ESYT2: variants seen among roughly 807,000 people sequenced by gnomAD.
ESYT2 encodes the protein extended synaptotagmin 2, also known as extended synaptotagmin-2.
Under a neutral mutation model 107.2 loss-of-function variants are expected in ESYT2, and 54 were observed. That is an observed-to-expected ratio of 0.50 (90% CI 0.40 to 0.63). ESYT2 has a LOEUF of 0.63. Ranked by LOEUF, ESYT2 falls within the 30% of genes least tolerant of loss-of-function variation. ESYT2 has a pLI of 0.00. For synonymous variants in ESYT2, 491 were observed against 434.1 expected (o/e 1.13, Z -1.63); for missense variants, 1,020 against 1,094.5 (o/e 0.93, Z 0.96).
At chr7:158,824,924 G>C (rs960441057) in intron 1 of ESYT2, among the ~76,000 whole-genome samples, 5 of 152,228 alleles carry the variant, frequency 3.3e-5, no homozygotes, top group African/African-American at 1.2e-4. Flanking sequence ...GACTCACGTA[G>C]GTGGTTCGCT....
intron 20 of ESYT2, among the ~76,000 whole-genome samples, chr7:158,736,501 A>G (rs1485146284): frequency 6.6e-6 from 1 of 151,980 alleles, no homozygotes; most frequent in Non-Finnish European, 1.5e-5. Context: ...AGACCCTCCT[A>G]GGAGGTCACC....
intron 1 of ESYT2, among the ~76,000 whole-genome samples, chr7:158,817,107 A>C (rs1193199728): frequency 2.0e-5 from 3 of 152,230 alleles, no homozygotes; most frequent in African/African-American, 4.8e-5. Flanking sequence ...GCTCCCAACT[A>C]TCTGAACAGC....
At chr7:158,781,276 C>T (rs1047486989) in intron 6 of ESYT2, among the ~76,000 whole-genome samples, 14 of 140,206 alleles carry the variant, frequency 1.0e-4, no homozygotes, top group African/African-American at 3.2e-4. Context: ...AGTGAGTGAA[C>T]GAGTGTGAGA....
rs193145136 is a variant in ESYT2, at chr7:158,765,715, G to A, written c.925-862C>T. ...GGCGCCACTGCATTCCAGCCTGAGC[G>A]ACAGAGCAAGACCCTGTCTCAAAAT... On this transcript the variant is annotated intron_variant, in intron 8 of 22. Transcript: ENST00000275418. Among the ~76,000 whole-genome samples, 969 of 152,116 alleles carry A rather than the reference G, an allele frequency of 6.4e-3. 6 individuals carry two copies. The highest frequency in any genetic ancestry group is 0.058 in the Middle Eastern group (17 of 294).
rs991594577 is a variant in ESYT2 at position 158,793,743 on chromosome 7, C to T, written c.508-17G>A. The T allele has an allele frequency of 6.2e-7, 1 of 1,601,710 alleles. No individual in the cohort carries two copies. ...CCTGAGGGGCTGAAATAAGAAGTAGCTTATTTTAAGATACAGAGGTTAAAA... is the reference window on the plus strand; with the variant it reads ...CCTGAGGGGCTGAAATAAGAAGTAGTTTATTTTAAGATACAGAGGTTAAAA... On this transcript the variant is annotated splice_polypyrimidine_tract_variant and intron_variant, in intron 3 of 22. Transcript: ENST00000275418.
At chr7:158,814,371 G>T (rs1840092151) in intron 1 of ESYT2, among the ~76,000 whole-genome samples, 1 of 133,010 alleles carries the variant, frequency 7.5e-6, no homozygotes, top group African/African-American at 2.9e-5. Flanking sequence ...TACTCGTCCA[G>T]ATGACTCTCA....
rs1837920192 is a variant in ESYT2 at position 158,760,432 on chromosome 7, A to G, written c.1234-285T>C. 2.6e-5 allele frequency among the ~76,000 whole-genome samples: 4 copies of G among 152,228 alleles called. No homozygotes were observed. In the South Asian group the frequency reaches 8.3e-4, roughly 31 times the overall value. On this transcript the variant is annotated intron_variant, in intron 11 of 22. Transcript: ENST00000275418. ...GAAACCCTAAGCAAGTACTAGTATC[A>G]TTCCCACTTTACACATAAGAATTCA... is the stretch of plus-strand genomic sequence containing the variant.
At chr7:158,826,699 T>C (rs988984091) in intron 1 of ESYT2, among the ~76,000 whole-genome samples, 13 of 151,278 alleles carry the variant, frequency 8.6e-5, no homozygotes, top group Non-Finnish European at 1.0e-4. Context: ...TGTGCGCCTG[T>C]AGTCCCAGCT....
intron 17 of ESYT2, among the ~76,000 whole-genome samples, 177 bp from the exon 18 acceptor site, chr7:158,742,073 A>G (rs73729977): frequency 0.14 from 20,915 of 152,044 alleles, 2,355 homozygotes; most frequent in East Asian, 0.55. Context: ...TACAAATACC[A>G]CTTTTTTCCC....
At chr7:158,767,506 C>T (rs1466220111) in intron 8 of ESYT2, 148 bp downstream of exon 8, 10 of 1,029,560 alleles carry the variant, frequency 9.7e-6, no homozygotes, top group Admixed American at 5.1e-5. Context: ...AGGAAAGTGA[C>T]GGACAACCAA....
Position 158,747,217 on chromosome 7 carries a change from G to A in ESYT2, c.1644+977C>T, listed in dbSNP as rs550675231. ...CAAGAAATCAGCCAGGTGTGGTGGC[G>A]CGCACCTGTAATCCCAGCTCTCAGG... On this transcript the variant is annotated intron_variant, in intron 16 of 22. Transcript: ENST00000275418. Among the ~76,000 whole-genome samples, 9 of 149,888 alleles carry A rather than the reference G, an allele frequency of 6.0e-5. No homozygotes were observed. The East Asian group carries it at 8.0e-4, about 13-fold the overall frequency.
At chr7:158,757,271 C>A (rs1309625762) in intron 13 of ESYT2, among the ~76,000 whole-genome samples, 20 of 152,350 alleles carry the variant, frequency 1.3e-4, no homozygotes, top group Admixed American at 9.8e-4. Context: ...ATTAGAAGTT[C>A]CAGTCCACAT....
intron 4 of ESYT2, among the ~76,000 whole-genome samples, chr7:158,789,822 A>G (rs1243960638): frequency 1.3e-5 from 2 of 152,226 alleles, no homozygotes; most frequent in African/African-American, 2.4e-5. Context: ...GCAGCTAACC[A>G]TGAAACCAGA....
chr7:158,809,903 C>T (rs1244521565), intron 1 of ESYT2, among the ~76,000 whole-genome samples: 1 of 152,218 alleles, frequency 6.6e-6, no homozygotes, highest in Non-Finnish European at 1.5e-5. Context: ...AATCTTCTTC[C>T]ACTACATGGA....
Position 158,764,672 on chromosome 7 carries a change from C to T in ESYT2, c.1101+5G>A, listed in dbSNP as rs1838088955. The T allele has an allele frequency of 2.5e-6, 4 of 1,613,362 alleles. No individual in the cohort carries two copies. In the East Asian group the frequency reaches 8.9e-5, roughly 36 times the overall value. Reference sequence around the variant, plus strand: ...CCCAGCAACACAGCAGACACGACACCCCACCTCATAGACTTCATTCCACTT... The same window carrying T: ...CCCAGCAACACAGCAGACACGACACTCCACCTCATAGACTTCATTCCACTT... On this transcript the variant is annotated splice_donor_5th_base_variant and intron_variant, in intron 9 of 22. Coordinates refer to ENST00000275418, the MANE Select transcript of ESYT2 (RefSeq NM_001367773.1).
chr7:158,772,153 TACTTAAGACC>T (rs1838397020), intron 7 of ESYT2, among the ~76,000 whole-genome samples: 1 of 152,060 alleles, frequency 6.6e-6, no homozygotes, highest in African/African-American at 2.4e-5. Context: ...CTTATTTACC[TACTTAAGACC>T]ACTTAAGTCA....
chr7:158,782,584 ATGAG>A lies in ESYT2; in HGVS notation c.747+5416_747+5419del, dbSNP rs1263992923. Among the ~76,000 whole-genome samples the A allele has an allele frequency of 3.5e-5, 3 of 86,480 alleles. No homozygotes were observed. In the Admixed American group the frequency reaches 4.0e-4, roughly 11 times the overall value. 56.7% of individuals were successfully genotyped at this position (86,480 alleles called of 152,430 possible). On this transcript the variant is annotated intron_variant, in intron 6 of 22. Coordinates refer to ENST00000275418, the MANE Select transcript of ESYT2 (RefSeq NM_001367773.1). ...GAAAGTGGGAGTGTGAGAACAAAGA[ATGAG>A]TGTGAAGGAACAAGAGCGTGTGACA...
intron 1 of ESYT2, among the ~76,000 whole-genome samples, chr7:158,826,950 G>A (rs1840470173): frequency 6.6e-6 from 1 of 151,724 alleles, no homozygotes; most frequent in Admixed American, 6.6e-5. Context: ...GGAACACAAG[G>A]TCAGGAGTTT....
Position 158,764,698 on chromosome 7 carries a change from T to C in ESYT2, c.1080A>G (p.Pro360=), listed in dbSNP as rs1199468178. Residue 360 remains proline, a synonymous_variant, in exon 9 of 23, where the codon CCA becomes CCG. Coordinates refer to ENST00000275418, the MANE Select transcript of ESYT2 (RefSeq NM_001367773.1). The stretch of plus-strand genomic sequence containing the variant: ...CCACCTCATAGACTTCATTCCACTT[T>C]GGACTGAGGTTCTCCTTGATGACTC... ...QSRVIKENLS[P]KWNEVYEALV... 6.2e-7 allele frequency: 1 copy of C among 1,614,126 alleles called. No homozygotes were observed. Among genetic ancestry groups the C allele is most frequent in the South Asian group, 1.1e-5 (1 of 91,076 alleles).
Sources: allele counts gnomAD v4.1 joint callset (sites outside exome capture counted in the v4.1 genomes callset), GRCh38; gene constraint gnomAD v4.1.1; transcripts MANE v1.5; gene names NCBI Gene and HGNC (gene_info 2026-07-23, HGNC 2026-07-21).